The following DENND4C variants were observed in gnomAD, a reference collection of about 807,000 sequenced individuals.
DENND4C encodes DENN domain-containing protein 4C.
A neutral mutation model predicts 203.0 loss-of-function variants in DENND4C; 108 were observed. That is an observed-to-expected ratio of 0.53 (90% CI 0.46 to 0.62). The LOEUF (loss-of-function observed/expected upper bound fraction) is 0.62, where lower values mean the gene tolerates loss of function less well. DENND4C is among the 20% of genes least tolerant of loss of function. The pLI is 0.00. For missense variants in DENND4C, 2,481 were observed against 2,301.2 expected, an observed-to-expected ratio of 1.08 and a Z score of -1.60; for synonymous variants, 871 against 792.4, an observed-to-expected ratio of 1.10 and a Z score of -1.67.
chr9:19,273,542 A>AGAT (rs1832218475), intron 1 of DENND4C, among the ~76,000 whole-genome samples: 1 of 152,186 alleles, frequency 6.6e-6, no homozygotes, highest in East Asian at 1.9e-4. Flanking sequence ...TATGTCTGAT[A>AGAT]GATGACTTGT....
intron 1 of DENND4C, among the ~76,000 whole-genome samples, chr9:19,252,333 T>A (rs1826835336): frequency 6.6e-6 from 1 of 152,172 alleles, no homozygotes; most frequent in Non-Finnish European, 1.5e-5. Context: ...TCTCACCAGG[T>A]TCCTCCCATG....
In DENND4C at chr9:19,299,225, T is replaced by A. The variant is rs1249767699; in HGVS notation, c.1108-4T>A. On this transcript the variant is annotated splice_region_variant and splice_polypyrimidine_tract_variant and intron_variant, in intron 7 of 32. Coordinates refer to ENST00000434457, the MANE Select transcript of DENND4C (RefSeq NM_001330640.2). ...GGTTAATTTATCTTTTTTTTTTTTT[T>A]AAGCTGTCAGTCCATGATGCATTAA... The A allele has an allele frequency of 1.9e-6, 3 of 1,550,918 alleles. No homozygotes were observed. The highest frequency in any genetic ancestry group is 2.3e-5 in the East Asian group (1 of 43,222).
intron 1 of DENND4C, among the ~76,000 whole-genome samples, chr9:19,265,218 T>C (rs1019150211): frequency 1.3e-5 from 2 of 152,014 alleles, no homozygotes; most frequent in Non-Finnish European, 2.9e-5. Flanking sequence ...GGTTCTACCA[T>C]GTTGTCCAGG....
At chr9:19,236,495 G>T (rs1250975816) in intron 1 of DENND4C, among the ~76,000 whole-genome samples, 1 of 152,182 alleles carries the variant, frequency 6.6e-6, no homozygotes, top group East Asian at 1.9e-4. Context: ...TGTCATGAAG[G>T]GTCTTACAGT....
At chr9:19,331,902 C>T (rs1215852916) in intron 16 of DENND4C, 76 bp from the exon 17 acceptor site, 1 of 1,354,792 alleles carries the variant, frequency 7.4e-7, no homozygotes, top group Non-Finnish European at 1.0e-6. Flanking sequence ...AAATTCTCCT[C>T]TCCCTTTTCC....
At chr9:19,361,321 C>T (rs1430188567) in intron 29 of DENND4C, among the ~76,000 whole-genome samples, 2 of 152,118 alleles carry the variant, frequency 1.3e-5, no homozygotes, top group African/African-American at 4.8e-5. Context: ...GTGATGGAGA[C>T]CCAAGGTCAC....
At chr9:19,244,452 T>A (rs986314379) in intron 1 of DENND4C, among the ~76,000 whole-genome samples, 35 of 152,076 alleles carry the variant, frequency 2.3e-4, no homozygotes, top group African/African-American at 8.4e-4. Context: ...TTAAAAGTAG[T>A]TGCCTTGGCC....
Position 19,369,865 on chromosome 9 carries a change from A to C in DENND4C, c.5553A>C (p.Ser1851=). The change falls in exon 31 of 33, where the codon TCA becomes TCC. Residue 1851 remains serine, a synonymous_variant. Transcript: ENST00000434457. ...FNSEKKSSLL[S]EEQQETSTLV... The stretch of plus-strand genomic sequence containing the variant: ...CTGAAAAGAAATCATCTCTCCTGTC[A>C]GAGGAACAACAAGAAACAAGCACTT... 1 of 1,610,122 alleles carries C rather than the reference A, an allele frequency of 6.2e-7. No homozygotes were observed. The highest frequency in any genetic ancestry group is 8.5e-7 in the Non-Finnish European group (1 of 1,178,656).
chr9:19,333,226 G>A (rs775418281), intron 17 of DENND4C, among the ~76,000 whole-genome samples: 2 of 151,050 alleles, frequency 1.3e-5, no homozygotes, highest in Admixed American at 6.6e-5. Context: ...TATGTTACCT[G>A]GGCTGGTCTC....
intron 23 of DENND4C, among the ~76,000 whole-genome samples, chr9:19,348,955 G>A (rs1036715556): frequency 6.6e-6 from 1 of 152,024 alleles, no homozygotes; most frequent in Non-Finnish European, 1.5e-5. Flanking sequence ...CTCCAGGCGT[G>A]CCCCACCATG....
In DENND4C at chr9:19,357,231, C is replaced by G. The variant is rs1475318478; in HGVS notation, c.4964+77C>G. 5 of 1,444,058 alleles carry G rather than the reference C, an allele frequency of 3.5e-6. No individual in the cohort carries two copies. The African/African-American group carries it at 4.2e-5, about 12-fold the overall frequency. 89.5% of individuals were successfully genotyped at this position (1,444,058 alleles called of 1,614,324 possible). On this transcript the variant is annotated intron_variant, in intron 27 of 32. Transcript: ENST00000434457. ...GTAAAAATTCTGTCTCTAAAGACAA[C>G]CTGACTCATATAGGCATAAGTTCTG...
Position 19,352,685 on chromosome 9 carries a change from T to C in DENND4C, c.4781+20T>C. 5 of 1,538,926 alleles carry C rather than the reference T, an allele frequency of 3.2e-6. No homozygotes were observed. Among genetic ancestry groups the C allele is most frequent in the Non-Finnish European group, 4.4e-6 (5 of 1,138,250 alleles). On this transcript the variant is annotated intron_variant, in intron 26 of 32. Coordinates refer to ENST00000434457, the MANE Select transcript of DENND4C (RefSeq NM_001330640.2). ...TGCAAGGTTAGTCTTATAAAAGCTC[T>C]CTCAAGAAGTAAGTACCCTCAAAAA...
chr9:19,372,051 G>A lies in DENND4C; in HGVS notation c.5755G>A (p.Glu1919Lys). 1.2e-6 allele frequency: 2 copies of A among 1,604,458 alleles called. No individual in the cohort carries two copies. Among genetic ancestry groups the A allele is most frequent in the Non-Finnish European group, 8.5e-7 (1 of 1,177,464 alleles). The change falls in exon 33 of 33, where the codon GAA (glutamate) becomes AAA (lysine). Residue 1919 changes from glutamate (E) to lysine (K), a missense_variant. Physicochemically the swap from Glu to Lys is moderately conservative, Grantham distance 56 (BLOSUM62 1). This residue lies in a region of DENND4C where 2,289 missense variants were observed against 2,113.3 expected (regional missense o/e 1.08). Coordinates refer to ENST00000434457, the MANE Select transcript of DENND4C (RefSeq NM_001330640.2). ...ATTTCTTTCAGAGGCATTTGACAAT[G>A]AATATGGAATTGCATACAATAGTCT... ...ENIDIEAFDN[E>K]YGIAYNSLSS...
chr9:19,273,039 C>A (rs1185406387), intron 1 of DENND4C, among the ~76,000 whole-genome samples: 1 of 151,006 alleles, frequency 6.6e-6, no homozygotes, highest in Non-Finnish European at 1.5e-5. Context: ...AGCTCCACCT[C>A]CCGGGTTCAC....
chr9:19,294,814 C>T (rs1837092923), intron 5 of DENND4C, among the ~76,000 whole-genome samples: 1 of 152,070 alleles, frequency 6.6e-6, no homozygotes, highest in South Asian at 2.1e-4. Flanking sequence ...TATGATTCCT[C>T]TTATAGGAGG....
chr9:19,245,359 C>G (rs988799158), intron 1 of DENND4C, among the ~76,000 whole-genome samples: 1 of 150,990 alleles, frequency 6.6e-6, no homozygotes, highest in African/African-American at 2.4e-5. Flanking sequence ...CCCAGCTACT[C>G]GGGAGGCTGA....
intron 30 of DENND4C, among the ~76,000 whole-genome samples, chr9:19,364,203 A>G (rs1827134527): frequency 6.6e-6 from 1 of 152,172 alleles, no homozygotes; most frequent in South Asian, 2.1e-4. Flanking sequence ...GTTAAGAAAA[A>G]AAAAAAGGAA....
Position 19,361,904 on chromosome 9 carries a change from A to G in DENND4C, c.5465A>G (p.Asp1822Gly). ...SKLVYIQLLW[D>G]NINLHQEPRE... ...CTTGTGTATATTCAGCTGTTATGGGATAATATCAACCTTCATCAGGAACCA... is the reference window on the plus strand; with the variant it reads ...CTTGTGTATATTCAGCTGTTATGGGGTAATATCAACCTTCATCAGGAACCA... The change falls in exon 30 of 33, where the codon GAT becomes GGT. Residue 1822 changes from aspartate to glycine, a missense_variant. Physicochemically the swap from Asp to Gly is moderately conservative, Grantham distance 94. Around this residue, in one of 3 missense-constraint regions of DENND4C, gnomAD observed 2,289 missense variants for 2,113.3 expected, o/e 1.08. Coordinates refer to ENST00000434457, the MANE Select transcript of DENND4C (RefSeq NM_001330640.2). 6.2e-7 allele frequency: 1 copy of G among 1,613,054 alleles called. No individual in the cohort carries two copies. Among genetic ancestry groups the G allele is most frequent in the Non-Finnish European group, 8.5e-7 (1 of 1,179,074 alleles).
intron 1 of DENND4C, among the ~76,000 whole-genome samples, chr9:19,256,309 G>GTTTTTTTTTTTTTTTTT (rs1165191635): frequency 3.5e-5 from 3 of 84,880 alleles, no homozygotes; most frequent in Admixed American, 1.5e-4. Flanking sequence ...TTTTTTTTTT[G>GTTTTTTTTTTTTTTTTT]TTTTTTTTTT....
Sources: gnomAD v4.1 joint callset for allele counts (sites outside exome capture counted in the v4.1 genomes callset) on GRCh38, gnomAD v4.1.1 for gene constraint, gnomAD v4.1.1 regional missense constraint, MANE v1.5 for transcripts, NCBI Gene and HGNC (gene_info 2026-07-23, HGNC 2026-07-21) for gene names.